CSMD1: variants seen among roughly 807,000 people sequenced by gnomAD.
The protein encoded by CSMD1 is CUB and sushi domain-containing protein 1.
In CSMD1, 213 loss-of-function variants were observed where a neutral mutation model predicts 417.5. That is an observed-to-expected ratio of 0.51 (90% CI 0.46 to 0.57). The LOEUF is 0.57. Among genes scored for constraint, CSMD1 ranks in the 20% least tolerant of loss-of-function variants. CSMD1 has a pLI of 0.00. For missense variants in CSMD1, 6,923 were observed against 4,529.7 expected, an observed-to-expected ratio of 1.53 and a Z score of -15.17; for synonymous variants, 2,862 against 1,736.8, an observed-to-expected ratio of 1.65 and a Z score of -16.11.
intron 5 of CSMD1, among the ~76,000 whole-genome samples, chr8:3,943,263 A>G (rs543178774): frequency 5.9e-5 from 9 of 152,146 alleles, no homozygotes; most frequent in Admixed American, 3.9e-4. Flanking sequence ...TTTTAGTTCT[A>G]TATTTTATAA....
At chr8:3,001,486 T>C (rs1411992270) in intron 52 of CSMD1, among the ~76,000 whole-genome samples, 1 of 152,196 alleles carries the variant, frequency 6.6e-6, no homozygotes, top group African/African-American at 2.4e-5. Context: ...CACATGGGTT[T>C]TGGAGTCACA....
intron 8 of CSMD1, among the ~76,000 whole-genome samples, chr8:3,615,895 A>C (rs6984275): frequency 0.056 from 8,534 of 152,194 alleles, 405 homozygotes; most frequent in East Asian, 0.24. Flanking sequence ...TCTTGAACTC[A>C]CTGAAATAAG....
chr8:3,943,392 T>C (rs149148889), intron 5 of CSMD1, among the ~76,000 whole-genome samples: 20 of 146,898 alleles, frequency 1.4e-4, no homozygotes, highest in Non-Finnish European at 2.5e-4. Flanking sequence ...TAAGTTATAT[T>C]AGAATGTCTT....
chr8:4,903,420 C>G (rs1805029534), intron 1 of CSMD1, among the ~76,000 whole-genome samples: 1 of 152,080 alleles, frequency 6.6e-6, no homozygotes, highest in African/African-American at 2.4e-5. Flanking sequence ...AGTTGAGTGA[C>G]TTTTTTTACC....
intron 1 of CSMD1, among the ~76,000 whole-genome samples, chr8:4,700,241 C>T (rs747836769): frequency 5.3e-5 from 8 of 152,042 alleles, no homozygotes; most frequent in Non-Finnish European, 8.8e-5. Context: ...AAAGAAAGAA[C>T]CTCTTGTTTT....
intron 3 of CSMD1, among the ~76,000 whole-genome samples, chr8:4,223,434 C>T (rs1263337398): frequency 5.9e-5 from 9 of 152,214 alleles, no homozygotes; most frequent in Admixed American, 3.3e-4. Context: ...GGATACGTGA[C>T]GAATAGGCTG....
intron 3 of CSMD1, among the ~76,000 whole-genome samples, chr8:4,221,378 GA>G (rs11340375): frequency 0.49 from 65,715 of 134,584 alleles, 15,870 homozygotes; most frequent in African/African-American, 0.64. Context: ...AGGAAAGTGA[GA>G]AAAAAAAAAA....
chr8:4,450,724 C>T (rs1410665995), intron 2 of CSMD1, among the ~76,000 whole-genome samples: 1 of 152,134 alleles, frequency 6.6e-6, no homozygotes, highest in Non-Finnish European at 1.5e-5. Flanking sequence ...AAATGTCAAA[C>T]ATTTAACAGA....
intron 39 of CSMD1, among the ~76,000 whole-genome samples, chr8:3,155,359 A>T (rs1313879863): frequency 8.8e-3 from 380 of 43,292 alleles, no homozygotes; most frequent in South Asian, 0.011. Flanking sequence ...CAAGGCTGGG[A>T]TTTTTTTTTT....
chr8:3,573,957 C>T (rs1441846024), intron 10 of CSMD1, among the ~76,000 whole-genome samples: 2 of 151,584 alleles, frequency 1.3e-5, no homozygotes, highest in South Asian at 2.1e-4. Flanking sequence ...CTATATTGAA[C>T]TTAAAAGGAG....
chr8:4,746,340 A>G (rs1810949883), intron 1 of CSMD1, among the ~76,000 whole-genome samples: 1 of 152,194 alleles, frequency 6.6e-6, no homozygotes, highest in South Asian at 2.1e-4. Flanking sequence ...GCACTTTGGC[A>G]GGGGTTCAAG....
At chr8:4,152,335 A>T (rs1714743) in intron 3 of CSMD1, among the ~76,000 whole-genome samples, 2 of 152,108 alleles carry the variant, frequency 1.3e-5, no homozygotes, top group African/African-American at 4.8e-5. Context: ...ATATTTACAG[A>T]AATCAGGTAG....
At chr8:3,960,640 GATTA>G (rs34137015) in intron 5 of CSMD1, among the ~76,000 whole-genome samples, 2,210 of 151,998 alleles carry the variant, frequency 0.015, 45 homozygotes, top group African/African-American at 0.049. Context: ...AATATGCACT[GATTA>G]ATTGATTATA....
At chr8:3,960,531 G>A (rs918115769) in intron 5 of CSMD1, among the ~76,000 whole-genome samples, 35 of 152,202 alleles carry the variant, frequency 2.3e-4, no homozygotes, top group African/African-American at 7.0e-4. Context: ...TAGCATTTAA[G>A]TGTGCCAATT....
rs71205427 is a variant in CSMD1 at position 4,182,025 on chromosome 8, C to CGT, written c.416-149928_416-149927dup. On this transcript the variant is annotated intron_variant, in intron 3 of 69. Coordinates refer to ENST00000635120, the MANE Select transcript of CSMD1 (RefSeq NM_033225.6). ...AAGTACACAGAAACTCATACACACC[C>CGT]GTGTGTGTGTGTGTGTGTCGGTGTG... 5.4e-3 allele frequency among the ~76,000 whole-genome samples: 641 copies of CGT among 118,248 alleles called. 7 individuals carry two copies. The highest frequency in any genetic ancestry group is 0.016 in the African/African-American group (561 of 35,526). The allele number at this position is 118,248 out of a possible 152,430, so 77.6% of individuals were successfully genotyped here.
At chr8:3,514,556 A>G (rs1225326422) in intron 10 of CSMD1, among the ~76,000 whole-genome samples, 1 of 152,220 alleles carries the variant, frequency 6.6e-6, no homozygotes, top group Admixed American at 6.5e-5. Flanking sequence ...ATAATATGTT[A>G]TAGTTGGGGG....
chr8:4,838,229 C>T (rs1465680178), intron 1 of CSMD1, among the ~76,000 whole-genome samples: 2 of 152,170 alleles, frequency 1.3e-5, no homozygotes, highest in African/African-American at 2.4e-5. Context: ...CTTAGGGTTT[C>T]GTTCTGGGTT....
intron 5 of CSMD1, among the ~76,000 whole-genome samples, chr8:3,807,729 T>C (rs1436592934): frequency 2.0e-5 from 3 of 152,168 alleles, no homozygotes; most frequent in African/African-American, 7.2e-5. Context: ...AATGTCTTTA[T>C]TACACAGGAA....
At chr8:3,949,470 C>G (rs967829340) in intron 5 of CSMD1, among the ~76,000 whole-genome samples, 5 of 152,016 alleles carry the variant, frequency 3.3e-5, no homozygotes, top group African/African-American at 1.2e-4. Context: ...ATTTTAAGCA[C>G]CAATACTATA....
Sources: allele counts gnomAD v4.1 joint callset (sites outside exome capture counted in the v4.1 genomes callset), GRCh38; gene constraint gnomAD v4.1.1; transcripts MANE v1.5; gene names NCBI Gene and HGNC (gene_info 2026-07-23, HGNC 2026-07-21).